The following CEMIP variants were observed in gnomAD, a reference collection of about 807,000 sequenced individuals.
The protein encoded by CEMIP is cell migration inducing hyaluronidase 1.
In CEMIP, 105 loss-of-function variants were observed where a neutral mutation model predicts 156.9. The ratio of observed to expected loss-of-function variants is 0.67; its 90% confidence interval spans 0.57 to 0.79. The LOEUF is 0.79. Among genes scored for constraint, CEMIP ranks in the 30% least tolerant of loss-of-function variants. The pLI is 0.00. For missense variants in CEMIP, 1,457 were observed against 1,769.4 expected, an observed-to-expected ratio of 0.82 and a Z score of 3.17; for synonymous variants, 676 against 668.4, an observed-to-expected ratio of 1.01 and a Z score of -0.17.
intron 12 of CEMIP, among the ~76,000 whole-genome samples, chr15:80,901,526 A>AC (rs1899548348): frequency 6.6e-6 from 1 of 151,968 alleles, no homozygotes; most frequent in Admixed American, 6.6e-5. Flanking sequence ...ACATAGTGAA[A>AC]CCCCGTCTCT....
intron 1 of CEMIP, among the ~76,000 whole-genome samples, chr15:80,825,398 A>C (rs1415486051): frequency 2.0e-5 from 3 of 152,240 alleles, no homozygotes; most frequent in South Asian, 2.1e-4. Context: ...TGAACCAGGA[A>C]AAAAATGTAC....
At chr15:80,807,886 C>T (rs564890275) in intron 1 of CEMIP, among the ~76,000 whole-genome samples, 319 of 152,272 alleles carry the variant, frequency 2.1e-3, no homozygotes, top group Non-Finnish European at 3.6e-3. Context: ...CCTGTGTGCT[C>T]TGTAGAGAGC....
rs200733154 is a variant in CEMIP at position 80,942,942 on chromosome 15, T to C, written c.3700-3T>C. ...TCACACCTGGATTGCTCTGGCTCTG[T>C]AGGTGGATGGGAAGAAGTACCCCAG... On this transcript the variant is annotated splice_polypyrimidine_tract_variant and splice_region_variant and intron_variant, in intron 27 of 29. Coordinates refer to ENST00000394685, the MANE Select transcript of CEMIP (RefSeq NM_001293298.2). 2 of 1,614,160 alleles carry C rather than the reference T, an allele frequency of 1.2e-6. No individual in the cohort carries two copies. The highest frequency in any genetic ancestry group is 1.1e-5 in the South Asian group (1 of 91,072).
intron 1 of CEMIP, among the ~76,000 whole-genome samples, chr15:80,827,132 G>T (rs1897054333): frequency 6.6e-6 from 1 of 152,136 alleles, no homozygotes; most frequent in Non-Finnish European, 1.5e-5. Context: ...AGTGGGCCAG[G>T]TCTCACCTGG....
At chr15:80,884,110 G>A in intron 6 of CEMIP, 65 bp from the exon 7 acceptor site, 1 of 1,516,090 alleles carries the variant, frequency 6.6e-7, no homozygotes, top group Non-Finnish European at 9.2e-7. Context: ...ACAGGCATGT[G>A]CTTAGAGCTC....
intron 7 of CEMIP, among the ~76,000 whole-genome samples, chr15:80,885,368 C>T (rs183137633): frequency 6.6e-6 from 1 of 152,268 alleles, no homozygotes; most frequent in East Asian, 1.9e-4. Flanking sequence ...TTCCGACAGC[C>T]CAGAGACTAC....
intron 14 of CEMIP, chr15:80,909,893 A>G (rs2141895781): frequency 6.5e-6 from 2 of 307,132 alleles, no homozygotes; most frequent in South Asian, 3.0e-5. Context: ...AACACTGGAC[A>G]TCACAAAATG....
At chr15:80,831,159 A>C (rs1319904197) in intron 1 of CEMIP, among the ~76,000 whole-genome samples, 2 of 151,936 alleles carry the variant, frequency 1.3e-5, no homozygotes, top group Non-Finnish European at 2.9e-5. Flanking sequence ...GACTGATAGG[A>C]CTCCGCGTGT....
intron 1 of CEMIP, among the ~76,000 whole-genome samples, chr15:80,825,796 A>G (rs1224505395): frequency 6.6e-6 from 1 of 152,102 alleles, no homozygotes; most frequent in East Asian, 1.9e-4. Context: ...GGCTTTAAGA[A>G]TGCTCCCCTT....
At chr15:80,931,329 GA>G (rs1403740552) in intron 21 of CEMIP, among the ~76,000 whole-genome samples, 1 of 152,184 alleles carries the variant, frequency 6.6e-6, no homozygotes, top group African/African-American at 2.4e-5. Flanking sequence ...CTGCCAATGT[GA>G]AAGGCTTACT....
chr15:80,881,186 T>C, intron 6 of CEMIP, 50 bp downstream of exon 6: 2 of 1,493,646 alleles, frequency 1.3e-6, no homozygotes, highest in Non-Finnish European at 1.9e-6. Context: ...AAAGTACACT[T>C]ATTGAGTGTG....
chr15:80,806,992 C>G (rs966325648), intron 1 of CEMIP, among the ~76,000 whole-genome samples: 2 of 152,130 alleles, frequency 1.3e-5, no homozygotes, highest in African/African-American at 2.4e-5. Context: ...GCTTACAACA[C>G]AAAGCAACAC....
chr15:80,876,229 G>A (rs1221359136), intron 3 of CEMIP, among the ~76,000 whole-genome samples: 2 of 152,170 alleles, frequency 1.3e-5, no homozygotes. Flanking sequence ...AGGCAGCCCA[G>A]GGCCTCTGAC....
intron 1 of CEMIP, among the ~76,000 whole-genome samples, chr15:80,848,952 AATTTTTTTTTTTTTTTTTTTTTTTT>A (rs1897637700): frequency 1.1e-5 from 1 of 90,738 alleles, no homozygotes; most frequent in Admixed American, 1.4e-4. Context: ...TCTCTTTAGA[AATTTTTTTTTTTTTTTTTTTTTTTT>A]TTTTTTTTTT....
chr15:80,797,076 A>G (rs1161669178), intron 1 of CEMIP, among the ~76,000 whole-genome samples: 2 of 152,134 alleles, frequency 1.3e-5, no homozygotes, highest in Non-Finnish European at 2.9e-5. Context: ...AGATGTCCAG[A>G]GAAGTCTTAT....
At chr15:80,813,349 GATT>G (rs1268548075) in intron 1 of CEMIP, among the ~76,000 whole-genome samples, 11 of 138,842 alleles carry the variant, frequency 7.9e-5, no homozygotes, top group Non-Finnish European at 1.1e-4. Context: ...CAGCAGTACG[GATT>G]TTTTTTTTTT....
chr15:80,943,030 C>G lies in CEMIP; in HGVS notation c.3785C>G (p.Thr1262Arg). 1.2e-6 allele frequency: 2 copies of G among 1,614,226 alleles called. No homozygotes were observed. The highest frequency in any genetic ancestry group is 1.7e-6 in the Non-Finnish European group (2 of 1,180,032). Residue 1262 changes from threonine (T) to arginine (R), a missense_variant, in exon 28 of 30, where the codon ACG becomes AGG. Thr to Arg is a moderately conservative substitution (Grantham distance 71, BLOSUM62 -1). Around this residue, in one of 5 missense-constraint regions of CEMIP, gnomAD observed 798 missense variants for 980.1 expected, o/e 0.81. Coordinates refer to ENST00000394685, the MANE Select transcript of CEMIP (RefSeq NM_001293298.2). ...DGNQGRVVSH[T>R]SFRNSILQGI... is the part of the protein sequence containing the mutation. ...AACCAAGGGCGCGTGGTGAGCCACACGAGCTTCAGGAACTCCATTCTGCAA... is the reference window on the plus strand; with the variant it reads ...AACCAAGGGCGCGTGGTGAGCCACAGGAGCTTCAGGAACTCCATTCTGCAA...
intron 11 of CEMIP, 39 bp downstream of exon 11, chr15:80,895,161 G>C: frequency 1.2e-6 from 2 of 1,613,658 alleles, no homozygotes; most frequent in Non-Finnish European, 1.7e-6. Context: ...TGCAACTATG[G>C]CTCGGTTCCT....
intron 10 of CEMIP, among the ~76,000 whole-genome samples, chr15:80,890,004 G>C (rs905102266): frequency 6.6e-6 from 1 of 152,206 alleles, no homozygotes; most frequent in African/African-American, 2.4e-5. Flanking sequence ...GTTCTCAATT[G>C]AGCTAAATCA....
Sources: allele counts gnomAD v4.1 joint callset (sites outside exome capture counted in the v4.1 genomes callset), GRCh38; gene constraint gnomAD v4.1.1; regional missense constraint gnomAD v4.1.1; transcripts MANE v1.5; gene names NCBI Gene and HGNC (gene_info 2026-07-23, HGNC 2026-07-21).